Variants in TC2N observed in about 807,000 individuals in gnomAD.
TC2N encodes the protein tandem C2 domains, nuclear.
TC2N carries 51 observed loss-of-function variants against 61.9 expected under a neutral mutation model. That is an observed-to-expected ratio of 0.82 (90% CI 0.66 to 1.04). The LOEUF is 1.04. Among genes scored for constraint, TC2N ranks in the 50% least tolerant of loss-of-function variants. TC2N has a pLI of 0.00. For synonymous variants in TC2N, 204 were observed against 192.6 expected (o/e 1.06, Z -0.49); for missense variants, 556 against 566.7 (o/e 0.98, Z 0.19).
rs1195439320 is a variant in TC2N at position 91,821,158 on chromosome 14, C to T, written c.-56-7333G>A. ...AACTCATATGGGAACGTAAAGGGTG[C>T]AGAATAGCCAAAACAATCTTGGGGA... On this transcript the variant is annotated intron_variant, in intron 1 of 11. Transcript: ENST00000435962. Among the ~76,000 whole-genome samples the T allele has an allele frequency of 2.0e-5, 3 of 151,622 alleles. No homozygotes were observed. In the South Asian group the frequency reaches 6.2e-4, roughly 32 times the overall value.
Position 91,792,544 on chromosome 14 carries a change from C to A in TC2N, c.870G>T (p.Met290Ile). 2.6e-6 allele frequency: 4 copies of A among 1,530,468 alleles called. No individual in the cohort carries two copies. Among genetic ancestry groups the A allele is most frequent in the South Asian group, 1.3e-5 (1 of 77,236 alleles). The allele number at this position is 1,530,468 out of a possible 1,614,324, so 94.8% of individuals were successfully genotyped here. ...GTTTAATAGCAAATACAAACGTTTC[C>A]ATAAATTCAATAGCCTTAAAAAAAA... is the stretch of plus-strand genomic sequence containing the variant. Reference protein sequence around the residue: ...AKEGSNAIEFMETFVFAIKLQ... With the variant: ...AKEGSNAIEFIETFVFAIKLQ... Residue 290 changes from methionine (M) to isoleucine (I), a missense_variant, in exon 9 of 12, where the codon ATG becomes ATT. By Grantham distance (10) the Met-to-Ile change is conservative (BLOSUM62 1). Transcript: ENST00000435962.
rs1157901866 is a variant in TC2N, at chr14:91,839,207, T to A, written c.-56-25382A>T. Among the ~76,000 whole-genome samples, 8 of 152,188 alleles carry A rather than the reference T, an allele frequency of 5.3e-5. No individual in the cohort carries two copies. The East Asian group carries it at 1.5e-3, about 29-fold the overall frequency. On this transcript the variant is annotated intron_variant, in intron 1 of 11. Coordinates refer to ENST00000435962, the MANE Select transcript of TC2N (RefSeq NM_001128596.3). ...CCTCTCCAGCCTTATCTCCCAGTATTTCCATCACACCTTTTTGACCTACTG... is the reference window on the plus strand; with the variant it reads ...CCTCTCCAGCCTTATCTCCCAGTATATCCATCACACCTTTTTGACCTACTG...
chr14:91,789,838 C>G lies in TC2N; in HGVS notation c.1048-2211G>C, dbSNP rs1039377162. Among the ~76,000 whole-genome samples the G allele has an allele frequency of 3.9e-5, 6 of 152,162 alleles. No individual in the cohort carries two copies. The East Asian group carries it at 1.2e-3, about 29-fold the overall frequency. ...CCTGCATTTAATAAGCACAAAACTG[C>G]TCCTGAATAATGTATCCTTTTATTC... On this transcript the variant is annotated intron_variant, in intron 9 of 11. Coordinates refer to ENST00000435962, the MANE Select transcript of TC2N (RefSeq NM_001128596.3).
At chr14:91,852,842 G>C (rs1044481248) in intron 1 of TC2N, among the ~76,000 whole-genome samples, 2 of 152,082 alleles carry the variant, frequency 1.3e-5, no homozygotes, top group Non-Finnish European at 2.9e-5. Flanking sequence ...GGAGGCAGAG[G>C]GGGCAGATCA....
chr14:91,865,842 G>A (rs370137228), intron 1 of TC2N, among the ~76,000 whole-genome samples: 8 of 151,952 alleles, frequency 5.3e-5, no homozygotes, highest in African/African-American at 9.7e-5. Context: ...CAGTTTTGTC[G>A]TGTATGCTGC....
chr14:91,786,476 A>C (rs1036834934), intron 10 of TC2N, among the ~76,000 whole-genome samples: 4 of 152,308 alleles, frequency 2.6e-5, no homozygotes, highest in South Asian at 2.1e-4. Flanking sequence ...ATTTGGTAGA[A>C]TCTCCCAGTA....
At chr14:91,826,937 TG>T (rs542745971) in intron 1 of TC2N, among the ~76,000 whole-genome samples, 170 of 152,332 alleles carry the variant, frequency 1.1e-3, no homozygotes, top group African/African-American at 4.0e-3. Flanking sequence ...TGTTTCCATT[TG>T]TTTACCAACC....
intron 1 of TC2N, among the ~76,000 whole-genome samples, chr14:91,850,074 T>C (rs962666758): frequency 6.8e-6 from 1 of 146,428 alleles, no homozygotes; most frequent in African/African-American, 2.5e-5. Context: ...AAAGATTGGG[T>C]TTAAAAAATG....
At chr14:91,845,945 C>T (rs767775975) in intron 1 of TC2N, among the ~76,000 whole-genome samples, 3 of 152,210 alleles carry the variant, frequency 2.0e-5, no homozygotes, top group East Asian at 3.9e-4. Flanking sequence ...ATTTGCTCAG[C>T]TCATATTTTC....
chr14:91,864,617 C>G (rs1727588155), intron 1 of TC2N, among the ~76,000 whole-genome samples: 1 of 152,034 alleles, frequency 6.6e-6, no homozygotes, highest in Non-Finnish European at 1.5e-5. Flanking sequence ...AGGTTGAAAC[C>G]AAAACAATCC....
chr14:91,846,009 C>T (rs1888262949), intron 1 of TC2N, among the ~76,000 whole-genome samples: 1 of 152,182 alleles, frequency 6.6e-6, no homozygotes, highest in South Asian at 2.1e-4. Flanking sequence ...GTTGGGCACC[C>T]GTTGATCAGA....
chr14:91,803,412 T>TGC (rs1555369739), intron 3 of TC2N, among the ~76,000 whole-genome samples: 2 of 82,972 alleles, frequency 2.4e-5, no homozygotes, highest in African/African-American at 7.0e-5. Flanking sequence ...CGTACATACA[T>TGC]ACACACACAC....
At chr14:91,848,765 T>G (rs1888317055) in intron 1 of TC2N, among the ~76,000 whole-genome samples, 1 of 152,214 alleles carries the variant, frequency 6.6e-6, no homozygotes, top group South Asian at 2.1e-4. Flanking sequence ...GTTTCTGTAC[T>G]CTTACTCCTA....
At chr14:91,807,611 T>C (rs1445282038) in intron 3 of TC2N, among the ~76,000 whole-genome samples, 1 of 152,234 alleles carries the variant, frequency 6.6e-6, no homozygotes, top group African/African-American at 2.4e-5. Flanking sequence ...AATGGGTGTA[T>C]TTATCCAATG....
At chr14:91,817,237 T>C (rs1043413149) in intron 1 of TC2N, among the ~76,000 whole-genome samples, 11 of 152,120 alleles carry the variant, frequency 7.2e-5, no homozygotes, top group South Asian at 4.1e-4. Context: ...ATTAAGTGTA[T>C]GCCTGTATAA....
intron 8 of TC2N, among the ~76,000 whole-genome samples, 189 bp downstream of exon 8, chr14:91,797,596 T>A (rs1885959674): frequency 6.6e-6 from 1 of 151,938 alleles, no homozygotes; most frequent in Non-Finnish European, 1.5e-5. Context: ...TTTAAATGCA[T>A]CTTAATACTA....
rs1566756703 is a variant in TC2N, at chr14:91,782,393, G to A, written c.*707C>T. 1 of 151,830 alleles carries A rather than the reference G, an allele frequency of 6.6e-6. No homozygotes were observed. The highest frequency in any genetic ancestry group is 1.5e-5 in the Non-Finnish European group (1 of 67,814). The allele number at this position is 151,830 out of a possible 1,614,324, so 9.4% of individuals were successfully genotyped here. The stretch of plus-strand genomic sequence containing the variant: ...TAAAACAAATAGTAAAATATTTGAG[G>A]GAAGAAAACAGCAAAGTATGTATAT... On this transcript the variant is annotated 3_prime_UTR_variant, in exon 12 of 12. Transcript: ENST00000435962.
chr14:91,857,852 CTGTT>C (rs879875080), intron 1 of TC2N, among the ~76,000 whole-genome samples: 4 of 152,196 alleles, frequency 2.6e-5, no homozygotes, highest in Non-Finnish European at 5.9e-5. Context: ...GGAGTAACAG[CTGTT>C]TGGCCAGGGA....
Position 91,837,863 on chromosome 14 carries a change from CTT to C in TC2N, c.-56-24040_-56-24039del, listed in dbSNP as rs1290291228. On this transcript the variant is annotated intron_variant, in intron 1 of 11. Coordinates refer to ENST00000435962, the MANE Select transcript of TC2N (RefSeq NM_001128596.3). This position sits in a 1 kb window ranked among gnomAD's most constrained non-coding sequence, Gnocchi z 4.2. ...TTGGGCATTAGTGTTTCAACAAACA[CTT>C]TGAAAACCACTGCTTTCAACTCCTA... Among the ~76,000 whole-genome samples the C allele has an allele frequency of 2.0e-5, 3 of 152,224 alleles. No individual in the cohort carries two copies. Among genetic ancestry groups the C allele is most frequent in the Admixed American group, 2.0e-4 (3 of 15,286 alleles).
Sources: allele counts gnomAD v4.1 joint callset (sites outside exome capture counted in the v4.1 genomes callset), GRCh38; gene constraint gnomAD v4.1.1; non-coding constraint Gnocchi (gnomAD v3.1); transcripts MANE v1.5; gene names NCBI Gene and HGNC (gene_info 2026-07-23, HGNC 2026-07-21).